Variants in AP3B1 observed in about 807,000 individuals in gnomAD.
AP3B1 encodes adaptor related protein complex 3 subunit beta 1.
In AP3B1, 61 loss-of-function variants were observed where a neutral mutation model predicts 132.5. That is an observed-to-expected ratio of 0.46 (90% CI 0.37 to 0.57). The LOEUF (loss-of-function observed/expected upper bound fraction) is 0.57, where lower values mean the gene tolerates loss of function less well. Ranked by LOEUF, AP3B1 falls within the 20% of genes least tolerant of loss-of-function variation. AP3B1 has a pLI of 0.00. For missense variants in AP3B1, 1,120 were observed against 1,289.4 expected (o/e 0.87, Z 2.01); for synonymous variants, 388 against 438.3 (o/e 0.89, Z 1.43).
At chr5:78,273,305 C>T (rs538562889) in intron 1 of AP3B1, among the ~76,000 whole-genome samples, 1 of 152,032 alleles carries the variant, frequency 6.6e-6, no homozygotes, top group East Asian at 1.9e-4. Flanking sequence ...CTCAGAGACA[C>T]GGTGGGAGAA....
intron 6 of AP3B1, among the ~76,000 whole-genome samples, chr5:78,218,575 A>G (rs558943273): frequency 6.6e-6 from 1 of 152,274 alleles, no homozygotes; most frequent in East Asian, 1.9e-4. Context: ...TATGGAGTTC[A>G]TATTTTCTCT....
chr5:78,272,249 T>C (rs971611880), intron 1 of AP3B1, among the ~76,000 whole-genome samples: 11 of 152,172 alleles, frequency 7.2e-5, no homozygotes, highest in African/African-American at 9.7e-5. Context: ...ACTGAGCCAA[T>C]GTATACCTCA....
At chr5:78,270,488 A>T (rs1464007791) in intron 1 of AP3B1, among the ~76,000 whole-genome samples, 1 of 152,212 alleles carries the variant, frequency 6.6e-6, no homozygotes, top group Non-Finnish European at 1.5e-5. Flanking sequence ...AAGGATGTAT[A>T]AAAATATTCA....
chr5:78,025,049 C>T (rs1362136406), intron 24 of AP3B1, among the ~76,000 whole-genome samples: 3 of 152,042 alleles, frequency 2.0e-5, no homozygotes, highest in Non-Finnish European at 4.4e-5. Context: ...GTAAGAAATA[C>T]AGACACATAC....
intron 8 of AP3B1, among the ~76,000 whole-genome samples, chr5:78,179,500 G>A (rs903452958): frequency 1.6e-4 from 24 of 152,012 alleles, no homozygotes; most frequent in South Asian, 2.1e-4. Context: ...ATTTGTAAAC[G>A]CCATGAAAAA....
chr5:78,113,182 C>A (rs759142636), intron 19 of AP3B1, among the ~76,000 whole-genome samples: 22 of 152,188 alleles, frequency 1.4e-4, no homozygotes, highest in Non-Finnish European at 1.6e-4. Flanking sequence ...TCGCTGACAG[C>A]AGCGGGGAAA....
At chr5:78,294,390 C>T (rs1433943071) in intron 1 of AP3B1, 62 bp downstream of exon 1, 8 of 1,611,142 alleles carry the variant, frequency 5.0e-6, no homozygotes, top group Admixed American at 1.7e-5. Flanking sequence ...CACCCTGGCG[C>T]CCACTCCTCC....
At chr5:78,134,715 G>GT (rs1167285108) in intron 15 of AP3B1, among the ~76,000 whole-genome samples, 1 of 152,008 alleles carries the variant, frequency 6.6e-6, no homozygotes, top group African/African-American at 2.4e-5. Context: ...TAATTTTTTT[G>GT]TATTTTTAGT....
intron 22 of AP3B1, among the ~76,000 whole-genome samples, chr5:78,073,117 T>C (rs1428634133): frequency 6.6e-6 from 1 of 152,238 alleles, no homozygotes; most frequent in East Asian, 1.9e-4. Context: ...TTGTCAGTGG[T>C]AATCAATTCT....
chr5:78,094,730 G>C (rs977686572), intron 21 of AP3B1, among the ~76,000 whole-genome samples: 2 of 151,900 alleles, frequency 1.3e-5, no homozygotes, highest in East Asian at 1.9e-4. Context: ...ACCCAGGCTG[G>C]AGTGCAGTGG....
In AP3B1 at chr5:78,039,152, G is replaced by A. The variant is rs756834284; in HGVS notation, c.2700C>T (p.Val900=). ...TGTTATTCAGTGTTATTTGTATAGA[G>A]ACCATCTTATCACCAAAAATGCAAG... is the stretch of plus-strand genomic sequence containing the variant. ...RQPCIFGDKM[V]SIQITLNNTT... Residue 900 remains valine, a synonymous_variant, in exon 23 of 27, where the codon GTC becomes GTT. Transcript: ENST00000255194. The A allele has an allele frequency of 5.0e-5, 80 of 1,613,284 alleles. 1 individual carries two copies. The highest frequency in any genetic ancestry group is 4.9e-4 in the Middle Eastern group (3 of 6,082).
At chr5:78,225,639 T>C in intron 5 of AP3B1, 31 bp from the exon 6 acceptor site, 1 of 1,380,014 alleles carries the variant, frequency 7.2e-7, no homozygotes. Context: ...ATATTAATTT[T>C]TCCCTTTAAT....
intron 7 of AP3B1, among the ~76,000 whole-genome samples, chr5:78,202,479 T>C (rs184919787): frequency 4.4e-4 from 67 of 151,838 alleles, no homozygotes; most frequent in Middle Eastern, 3.4e-3. Flanking sequence ...AAATAAAAAG[T>C]CTCTTCTCTG....
At chr5:78,114,836 A>C (rs1391800203) in intron 18 of AP3B1, among the ~76,000 whole-genome samples, 3 of 152,254 alleles carry the variant, frequency 2.0e-5, no homozygotes, top group African/African-American at 7.2e-5. Context: ...AAGGGGTACA[A>C]GCATGGGTTC....
intron 14 of AP3B1, among the ~76,000 whole-genome samples, chr5:78,153,982 C>G (rs917508826): frequency 1.3e-5 from 2 of 152,136 alleles, no homozygotes; most frequent in African/African-American, 2.4e-5. Flanking sequence ...GTACTTCATA[C>G]ACCACAATTC....
At chr5:78,004,168 C>T (rs1213209339) in intron 26 of AP3B1, among the ~76,000 whole-genome samples, 1 of 152,148 alleles carries the variant, frequency 6.6e-6, no homozygotes. Flanking sequence ...TCAATTTGCG[C>T]AACATCTTCA....
At chr5:78,165,805 A>G in intron 11 of AP3B1, 133 bp from the exon 12 acceptor site, 1 of 732,012 alleles carries the variant, frequency 1.4e-6, no homozygotes. Context: ...ACAGTGGCTC[A>G]TGCCTGTAAT....
At chr5:78,172,606 T>A (rs913004186) in intron 11 of AP3B1, among the ~76,000 whole-genome samples, 4 of 152,218 alleles carry the variant, frequency 2.6e-5, no homozygotes, top group Non-Finnish European at 5.9e-5. Flanking sequence ...TTTTAATGCA[T>A]CTATTTGATT....
chr5:78,118,394 C>T (rs549867911), intron 17 of AP3B1, among the ~76,000 whole-genome samples: 19 of 152,262 alleles, frequency 1.2e-4, no homozygotes, highest in Middle Eastern at 3.4e-3. Flanking sequence ...ACTCAGGAAG[C>T]GCAAGGGGTC....
Sources: allele counts gnomAD v4.1 joint callset (sites outside exome capture counted in the v4.1 genomes callset), GRCh38; gene constraint gnomAD v4.1.1; transcripts MANE v1.5; gene names NCBI Gene and HGNC (gene_info 2026-07-23, HGNC 2026-07-21).